TRIB2: variants seen among roughly 807,000 people sequenced by gnomAD.
TRIB2 encodes the protein tribbles pseudokinase 2.
TRIB2 carries 2 observed loss-of-function variants against 26.8 expected under a neutral mutation model. The observed-to-expected ratio is 0.07, with a 90% CI of 0.03 to 0.24. The LOEUF is 0.24. Ranked by LOEUF, TRIB2 falls within the 10% of genes least tolerant of loss-of-function variation. The probability of loss-of-function intolerance (pLI) is 1.00; values close to 1 mark genes in which losing one functional copy is unlikely to be tolerated. For missense variants in TRIB2, 306 were observed against 449.0 expected, an observed-to-expected ratio of 0.68 and a Z score of 2.88; for synonymous variants, 189 against 187.3, an observed-to-expected ratio of 1.01 and a Z score of -0.08.
At chr2:12,719,293 G>T (rs1013282580) in intron 1 of TRIB2, among the ~76,000 whole-genome samples, 1 of 151,998 alleles carries the variant, frequency 6.6e-6, no homozygotes, top group African/African-American at 2.4e-5. Context: ...CAACACCTTT[G>T]CCTGTAAGGT....
chr2:12,742,522 A>G lies in TRIB2; in HGVS notation c.*1728A>G, dbSNP rs965708398. 1.4e-5 allele frequency: 2 copies of G among 146,042 alleles called. No homozygotes were observed. The highest frequency in any genetic ancestry group is 5.3e-5 in the African/African-American group (2 of 37,916). The allele number at this position is 146,042 out of a possible 1,614,324, so 9.0% of individuals were successfully genotyped here. ...GCTAATGGAAGATAGAAAGGAGAGA[A>G]GGTTTTTTTTTTTTTTAACATTCTG... On this transcript the variant is annotated 3_prime_UTR_variant, in exon 3 of 3. Transcript: ENST00000155926.
chr2:12,724,681 C>A lies in TRIB2; in HGVS notation c.563+1129C>A, dbSNP rs376927997. On this transcript the variant is annotated intron_variant, in intron 2 of 2. Transcript: ENST00000155926. The stretch of plus-strand genomic sequence containing the variant: ...GTTTCCCCTGGTTTTGCCTTCGATA[C>A]CCTCTGTGATCTTGGATTGGTCCTT... The A allele has an allele frequency of 1.8e-5, 29 of 1,612,772 alleles. No individual in the cohort carries two copies. In the African/African-American group the frequency reaches 3.1e-4, roughly 17 times the overall value.
At chr2:12,733,238 C>G (rs1490875946) in intron 2 of TRIB2, among the ~76,000 whole-genome samples, 2 of 152,186 alleles carry the variant, frequency 1.3e-5, no homozygotes, top group Non-Finnish European at 2.9e-5. Flanking sequence ...GGTAAATGGG[C>G]AGGTCTAGTC....
chr2:12,735,767 G>C (rs1359862258), intron 2 of TRIB2, among the ~76,000 whole-genome samples: 1 of 152,138 alleles, frequency 6.6e-6, no homozygotes, highest in East Asian at 1.9e-4. Flanking sequence ...GCTGGTTTTT[G>C]TGGTTGTCCT....
Position 12,732,712 on chromosome 2 carries a change from A to G in TRIB2, c.564-7614A>G, listed in dbSNP as rs1661484396. Among the ~76,000 whole-genome samples, 1 of 152,216 alleles carries G rather than the reference A, an allele frequency of 6.6e-6. No homozygotes were observed. Among genetic ancestry groups the G allele is most frequent in the Non-Finnish European group, 1.5e-5 (1 of 68,040 alleles). On this transcript the variant is annotated intron_variant, in intron 2 of 2. Transcript: ENST00000155926. This position sits in a 1 kb window ranked among gnomAD's most constrained non-coding sequence, Gnocchi z 4.2. ...GTTCTAATGCAGCTGCCAGGCCGGC[A>G]TGATGGTGCCAATGGTGCCAGGTGG...
chr2:12,721,156 CTTATT>C (rs1303359135), intron 1 of TRIB2, among the ~76,000 whole-genome samples: 7 of 152,160 alleles, frequency 4.6e-5, no homozygotes, highest in Admixed American at 3.9e-4. Context: ...AACATAAGTA[CTTATT>C]TTATTTTTCA....
chr2:12,729,097 T>C (rs1384290472), intron 2 of TRIB2, among the ~76,000 whole-genome samples: 1 of 152,132 alleles, frequency 6.6e-6, no homozygotes, highest in African/African-American at 2.4e-5. Flanking sequence ...AGAAACCCCT[T>C]TATGTACTTG....
At chr2:12,721,392 A>G (rs1661215636) in intron 1 of TRIB2, among the ~76,000 whole-genome samples, 3 of 152,254 alleles carry the variant, frequency 2.0e-5, no homozygotes, top group Non-Finnish European at 2.9e-5. Flanking sequence ...CTCTGTGAGC[A>G]CTGGCGACAG....
rs1666659802 is a variant in TRIB2 at position 12,718,829 on chromosome 2, G to T, written c.270+252G>T. ...GAGAGGGCGGCGGGACTGCGCGGGG[G>T]CCACGGACACGCGTGCACCGAAGGC... On this transcript the variant is annotated intron_variant, in intron 1 of 2. Transcript: ENST00000155926. This position sits in a 1 kb window ranked among gnomAD's most constrained non-coding sequence, Gnocchi z 4.0. Among the ~76,000 whole-genome samples, 2 of 152,110 alleles carry T rather than the reference G, an allele frequency of 1.3e-5. No homozygotes were observed. The highest frequency in any genetic ancestry group is 3.9e-4 in the East Asian group (2 of 5,170).
At position 12,717,356 on chromosome 2, in the gene TRIB2, C is replaced by G; in HGVS notation, c.-952C>G. The G allele has an allele frequency of 2.5e-6, 1 of 398,456 alleles. No individual in the cohort carries two copies. Among genetic ancestry groups the G allele is most frequent in the Non-Finnish European group, 4.4e-6 (1 of 225,974 alleles). The allele number at this position is 398,456 out of a possible 1,614,324, so 24.7% of individuals were successfully genotyped here. The stretch of plus-strand genomic sequence containing the variant: ...AGCGCCCGCAGGACCCCCGCAAGCT[C>G]GTGCCGGCGAAATCGGAGACCGCCG... On this transcript the variant is annotated 5_prime_UTR_variant, in exon 1 of 3. Coordinates refer to ENST00000155926, the MANE Select transcript of TRIB2 (RefSeq NM_021643.4). This position sits in a 1 kb window ranked among gnomAD's most constrained non-coding sequence, Gnocchi z 4.8.
At position 12,741,107 on chromosome 2, in the gene TRIB2, T is replaced by C. The variant is rs1661701685; in HGVS notation, c.*313T>C. 2 of 306,212 alleles carry C rather than the reference T, an allele frequency of 6.5e-6. No individual in the cohort carries two copies. Among genetic ancestry groups the C allele is most frequent in the Non-Finnish European group, 1.2e-5 (2 of 163,586 alleles). 19.0% of individuals were successfully genotyped at this position (306,212 alleles called of 1,614,324 possible). On this transcript the variant is annotated 3_prime_UTR_variant, in exon 3 of 3. Transcript: ENST00000155926. ...CACTTTTCATTTTGTTCCAAAATAGTTGCAGATCCTGACAGAATCAAAACT... is the reference window on the plus strand; with the variant it reads ...CACTTTTCATTTTGTTCCAAAATAGCTGCAGATCCTGACAGAATCAAAACT...
intron 2 of TRIB2, among the ~76,000 whole-genome samples, chr2:12,727,691 T>C (rs1397653384): frequency 6.6e-6 from 1 of 152,184 alleles, no homozygotes; most frequent in African/African-American, 2.4e-5. Flanking sequence ...AGCCTGGTTC[T>C]TTTTGTTTAT....
chr2:12,726,083 A>G (rs1661335040), intron 2 of TRIB2, among the ~76,000 whole-genome samples: 1 of 152,226 alleles, frequency 6.6e-6, no homozygotes. Flanking sequence ...TGGAGGTCCC[A>G]GTGGGCTTGC....
chr2:12,731,145 C>G (rs1661444898), intron 2 of TRIB2, among the ~76,000 whole-genome samples: 1 of 152,176 alleles, frequency 6.6e-6, no homozygotes, highest in South Asian at 2.1e-4. Context: ...TTTAACAGTT[C>G]CAACAGTGGA....
chr2:12,723,257 T>C lies in TRIB2; in HGVS notation c.271-3T>C. The C allele has an allele frequency of 6.2e-7, 1 of 1,611,290 alleles. No individual in the cohort carries two copies. Among genetic ancestry groups the C allele is most frequent in the Non-Finnish European group, 8.5e-7 (1 of 1,179,366 alleles). ...TTTGGTCTTACTGTTAATCCTGTCG[T>C]AGGTGTTTGATATCAGCTGCTACCA... On this transcript the variant is annotated splice_polypyrimidine_tract_variant and splice_region_variant and intron_variant, in intron 1 of 2. Coordinates refer to ENST00000155926, the MANE Select transcript of TRIB2 (RefSeq NM_021643.4).
Position 12,718,242 on chromosome 2 carries a change from G to T in TRIB2, c.-66G>T. ...CAGTGGCACCGAGGCGCCTGCAGCC[G>T]CACTCGCCAGCGACTCATCTCTCCA... is the stretch of plus-strand genomic sequence containing the variant. On this transcript the variant is annotated 5_prime_UTR_variant, in exon 1 of 3. Transcript: ENST00000155926. This position sits in a 1 kb window ranked among gnomAD's most constrained non-coding sequence, Gnocchi z 4.0. The T allele has an allele frequency of 2.6e-6, 4 of 1,559,908 alleles. No individual in the cohort carries two copies. The highest frequency in any genetic ancestry group is 2.6e-6 in the Non-Finnish European group (3 of 1,153,318).
Position 12,725,756 on chromosome 2 carries a change from A to G in TRIB2, c.563+2204A>G, listed in dbSNP as rs534003036. Among the ~76,000 whole-genome samples the G allele has an allele frequency of 2.6e-4, 39 of 152,316 alleles. 1 individual carries two copies. The highest frequency in any genetic ancestry group is 8.7e-4 in the African/African-American group (36 of 41,566). ...ACATGTCAAAGCAAAATCCTTTTTCATTTTCAAGAGCATTTTCCAAGGTAA... is the reference window on the plus strand; with the variant it reads ...ACATGTCAAAGCAAAATCCTTTTTCGTTTTCAAGAGCATTTTCCAAGGTAA... On this transcript the variant is annotated intron_variant, in intron 2 of 2. Transcript: ENST00000155926.
At chr2:12,733,662 T>C (rs1354364144) in intron 2 of TRIB2, among the ~76,000 whole-genome samples, 1 of 152,222 alleles carries the variant, frequency 6.6e-6, no homozygotes, top group African/African-American at 2.4e-5. Context: ...CTATAATTAT[T>C]ATTAGGATAT....
chr2:12,718,429 C>T lies in TRIB2; in HGVS notation c.122C>T (p.Pro41Leu), dbSNP rs1331701732. 1 of 1,614,226 alleles carries T rather than the reference C, an allele frequency of 6.2e-7. No individual in the cohort carries two copies. The highest frequency in any genetic ancestry group is 1.7e-5 in the Admixed American group (1 of 60,034). ...GCGGAGCCCAGCCAGAGTTTCAGCCCGAACCTCGGCTCCCCGAGCCCGCCC... is the reference window on the plus strand; with the variant it reads ...GCGGAGCCCAGCCAGAGTTTCAGCCTGAACCTCGGCTCCCCGAGCCCGCCC... ...RSAEPSQSFSPNLGSPSPPET... is the reference protein window; with the variant it reads ...RSAEPSQSFSLNLGSPSPPET... Residue 41 changes from proline to leucine, a missense_variant, in exon 1 of 3, where the codon CCG (proline) becomes CTG (leucine). Coordinates refer to ENST00000155926, the MANE Select transcript of TRIB2 (RefSeq NM_021643.4). This position sits in a 1 kb window ranked among gnomAD's most constrained non-coding sequence, Gnocchi z 4.0.
Sources: allele counts gnomAD v4.1 joint callset (sites outside exome capture counted in the v4.1 genomes callset), GRCh38; gene constraint gnomAD v4.1.1; non-coding constraint Gnocchi (gnomAD v3.1); transcripts MANE v1.5; gene names NCBI Gene and HGNC (gene_info 2026-07-23, HGNC 2026-07-21).